Variants in OSBPL10 observed in about 807,000 individuals in gnomAD.
OSBPL10 encodes oxysterol-binding protein-related protein 10.
Under a neutral mutation model 81.7 loss-of-function variants are expected in OSBPL10, and 49 were observed. That is an observed-to-expected ratio of 0.60 (90% CI 0.48 to 0.76). The LOEUF is 0.76. Ranked by LOEUF, OSBPL10 falls within the 30% of genes least tolerant of loss-of-function variation. The pLI, the probability that OSBPL10 is intolerant of heterozygous loss-of-function variation, is 0.00. For missense variants in OSBPL10, 923 were observed against 987.8 expected, an observed-to-expected ratio of 0.93 and a Z score of 0.88; for synonymous variants, 419 against 383.6, an observed-to-expected ratio of 1.09 and a Z score of -1.08.
chr3:31,837,841 GA>G lies in OSBPL10; in HGVS notation c.538-7611del, dbSNP rs527523110. The stretch of plus-strand genomic sequence containing the variant: ...GGGAGTATATGAGACCTTTATAGAG[GA>G]AAAAAAAAAATTTAATCCATGAAAA... On this transcript the variant is annotated intron_variant, in intron 3 of 11. Coordinates refer to ENST00000396556, the MANE Select transcript of OSBPL10 (RefSeq NM_017784.5). Among the ~76,000 whole-genome samples the G allele has an allele frequency of 8.8e-3, 1,286 of 146,582 alleles. 18 individuals carry two copies. Among genetic ancestry groups the G allele is most frequent in the African/African-American group, 0.029 (1,174 of 40,170 alleles).
intron 4 of OSBPL10, among the ~76,000 whole-genome samples, chr3:31,823,838 G>T (rs956959528): frequency 1.1e-5 from 1 of 87,678 alleles, no homozygotes; most frequent in Non-Finnish European, 2.4e-5. Flanking sequence ...TAATTTGTAT[G>T]TGTGTATGTG....
At chr3:31,663,756 C>G in intron 11 of OSBPL10, 1 of 1,196,588 alleles carries the variant, frequency 8.4e-7, no homozygotes, top group Non-Finnish European at 1.0e-6. Context: ...TGATGATTTT[C>G]TTTTTAAAAA....
chr3:31,893,624 T>C (rs1195849071), intron 1 of OSBPL10, among the ~76,000 whole-genome samples: 1 of 152,190 alleles, frequency 6.6e-6, no homozygotes, highest in Non-Finnish European at 1.5e-5. Context: ...AAACTGGAAA[T>C]AATTTAAATG....
Position 31,660,829 on chromosome 3 carries a change from T to C in OSBPL10, c.*1243A>G, listed in dbSNP as rs1700060104. On this transcript the variant is annotated 3_prime_UTR_variant, in exon 12 of 12. Coordinates refer to ENST00000396556, the MANE Select transcript of OSBPL10 (RefSeq NM_017784.5). ...AATAAAACACAGACACAGATATGTA[T>C]TCAATCGAAATATATTTGTCTAATA... 6.6e-6 allele frequency: 1 copy of C among 152,664 alleles called. No homozygotes were observed. Among genetic ancestry groups the C allele is most frequent in the South Asian group, 2.1e-4 (1 of 4,838 alleles). 9.5% of individuals were successfully genotyped at this position (152,664 alleles called of 1,614,324 possible).
At chr3:31,942,794 T>C (rs1697575930) in intron 1 of OSBPL10, among the ~76,000 whole-genome samples, 1 of 152,140 alleles carries the variant, frequency 6.6e-6, no homozygotes, top group African/African-American at 2.4e-5. Context: ...AAACACACAA[T>C]TAGCTAACAC....
At chr3:31,927,361 TC>T (rs1697104839) in intron 1 of OSBPL10, among the ~76,000 whole-genome samples, 1 of 152,198 alleles carries the variant, frequency 6.6e-6, no homozygotes, top group Non-Finnish European at 1.5e-5. Context: ...AACTGAGTCA[TC>T]AACTATTTAA....
chr3:31,980,430 G>A (rs1056628509), intron 1 of OSBPL10, among the ~76,000 whole-genome samples: 1 of 152,200 alleles, frequency 6.6e-6, no homozygotes, highest in Non-Finnish European at 1.5e-5. Flanking sequence ...GTGGTGTTCT[G>A]AAACACCAAA....
chr3:31,846,067 C>T (rs1700622923), intron 3 of OSBPL10, among the ~76,000 whole-genome samples: 1 of 152,182 alleles, frequency 6.6e-6, no homozygotes, highest in Admixed American at 6.5e-5. Context: ...GGATGAAGTG[C>T]AGCGGCACCA....
At chr3:31,926,289 G>GACCCCCCCCCC (rs1553641096) in intron 1 of OSBPL10, among the ~76,000 whole-genome samples, 1 of 130,114 alleles carries the variant, frequency 7.7e-6, no homozygotes, top group Non-Finnish European at 1.6e-5. Context: ...GGGTGATTTT[G>GACCCCCCCCCC]CCCCCCCAGA....
At chr3:31,827,419 G>A (rs1293144622) in intron 4 of OSBPL10, among the ~76,000 whole-genome samples, 3 of 152,080 alleles carry the variant, frequency 2.0e-5, no homozygotes, top group Admixed American at 1.3e-4. Flanking sequence ...GGCGGATCAC[G>A]AGGTCAGGAG....
intron 2 of OSBPL10, among the ~76,000 whole-genome samples, chr3:32,003,930 G>A (rs1376439180): frequency 2.6e-5 from 4 of 152,132 alleles, no homozygotes. Flanking sequence ...TGTTCACCCT[G>A]GCACAGAGGT....
chr3:32,052,104 G>A (rs991489810), intron 1 of OSBPL10, among the ~76,000 whole-genome samples: 1 of 151,880 alleles, frequency 6.6e-6, no homozygotes, highest in Non-Finnish European at 1.5e-5. Context: ...AAAATTAGCT[G>A]GGTGTGGTGG....
At chr3:31,812,840 G>GAAAGAAAGAAAGAA (rs1355507834) in intron 4 of OSBPL10, among the ~76,000 whole-genome samples, 1 of 140,164 alleles carries the variant, frequency 7.1e-6, no homozygotes, top group Middle Eastern at 3.4e-3. Flanking sequence ...AAGAAAGAAA[G>GAAAGAAAGAAAGAA]AAAGAACGAA....
chr3:32,010,616 C>A (rs943785452), intron 2 of OSBPL10, among the ~76,000 whole-genome samples: 3 of 152,174 alleles, frequency 2.0e-5, no homozygotes, highest in African/African-American at 7.2e-5. Context: ...GTGCAGCGCA[C>A]TGAGCATGAG....
intron 1 of OSBPL10, among the ~76,000 whole-genome samples, chr3:31,882,450 C>A (rs1163646116): frequency 3.3e-5 from 5 of 152,232 alleles, no homozygotes; most frequent in Non-Finnish European, 7.3e-5. Context: ...TCTTGGGCCC[C>A]ACCCAAGCCC....
intron 1 of OSBPL10, among the ~76,000 whole-genome samples, chr3:31,900,432 CCCA>C (rs1409923468): frequency 6.6e-6 from 1 of 152,106 alleles, no homozygotes; most frequent in Non-Finnish European, 1.5e-5. Flanking sequence ...CTTGGCTGTG[CCCA>C]CTATGACTAA....
At chr3:31,705,999 T>C (rs1390707155) in intron 6 of OSBPL10, among the ~76,000 whole-genome samples, 1 of 152,096 alleles carries the variant, frequency 6.6e-6, no homozygotes, top group Non-Finnish European at 1.5e-5. Flanking sequence ...AACTTGAAGA[T>C]AAAATGGAAT....
chr3:31,924,913 T>C (rs1697027219), intron 1 of OSBPL10, among the ~76,000 whole-genome samples: 1 of 152,220 alleles, frequency 6.6e-6, no homozygotes, highest in Non-Finnish European at 1.5e-5. Flanking sequence ...ATCTTTTCTT[T>C]TCAACTAAAA....
chr3:32,023,803 C>T (rs1699379110), intron 2 of OSBPL10, among the ~76,000 whole-genome samples: 1 of 152,168 alleles, frequency 6.6e-6, no homozygotes. Flanking sequence ...GAACCCTATA[C>T]ATTCTATGTT....
Sources: allele counts gnomAD v4.1 joint callset (sites outside exome capture counted in the v4.1 genomes callset), GRCh38; gene constraint gnomAD v4.1.1; transcripts MANE v1.5; gene names NCBI Gene and HGNC (gene_info 2026-07-23, HGNC 2026-07-21).